Variants in DENND4C observed in about 807,000 individuals in gnomAD.
DENND4C encodes DENN domain containing 4C.
A neutral mutation model predicts 203.0 loss-of-function variants in DENND4C; 108 were observed. That is an observed-to-expected ratio of 0.53 (90% confidence interval 0.46 to 0.62). The LOEUF is 0.62. DENND4C is among the 20% of genes least tolerant of loss of function. The probability of loss-of-function intolerance (pLI) is 0.00; values close to 1 mark genes in which losing one functional copy is unlikely to be tolerated. For missense variants in DENND4C, 2,481 were observed against 2,301.2 expected (o/e 1.08, Z -1.60); for synonymous variants, 871 against 792.4 (o/e 1.10, Z -1.67).
chr9:19,258,990 A>G (rs1317291205), intron 1 of DENND4C, among the ~76,000 whole-genome samples: 1 of 152,118 alleles, frequency 6.6e-6, no homozygotes, highest in Non-Finnish European at 1.5e-5. Flanking sequence ...TAGTAGGTGT[A>G]TATATTTATG....
At chr9:19,355,404 T>C (rs1588978308) in intron 26 of DENND4C, among the ~76,000 whole-genome samples, 1 of 152,246 alleles carries the variant, frequency 6.6e-6, no homozygotes, top group South Asian at 2.1e-4. Context: ...TTGAACGTTT[T>C]TGCTTATATT....
In DENND4C at chr9:19,346,220, A is replaced by G; in HGVS notation, c.3451A>G (p.Asn1151Asp). 1 of 1,614,192 alleles carries G rather than the reference A, an allele frequency of 6.2e-7. No individual in the cohort carries two copies. The highest frequency in any genetic ancestry group is 1.3e-5 in the African/African-American group (1 of 75,052). The change falls in exon 23 of 33, where the codon AAT becomes GAT. Residue 1151 changes from asparagine (N) to aspartate (D), a missense_variant. Coordinates refer to ENST00000434457, the MANE Select transcript of DENND4C (RefSeq NM_001330640.2). ...TATTGCAAGAACCCATAGCTTTGAG[A>G]ATGTTAGCTGTCACCTACCTGATAG... ...LHIARTHSFE[N>D]VSCHLPDSRT...
Position 19,357,968 on chromosome 9 carries a change from T to C in DENND4C, c.4968T>C (p.Asp1656=). Residue 1656 remains aspartate (D), a synonymous_variant, in exon 28 of 33, where the codon GAT becomes GAC. Transcript: ENST00000434457. The part of the protein sequence containing the change: ...EETGSAVEPS[D]EIKRASGDVQ... ...TTCTTCTATATTTATTTTTAAGTGA[T>C]GAAATAAAGAGAGCCAGTGGAGATG... 2 of 1,598,500 alleles carry C rather than the reference T, an allele frequency of 1.3e-6. No homozygotes were observed. The highest frequency in any genetic ancestry group is 1.7e-6 in the Non-Finnish European group (2 of 1,170,172).
intron 21 of DENND4C, 75 bp downstream of exon 21, chr9:19,341,189 G>C: frequency 8.4e-7 from 1 of 1,183,484 alleles, no homozygotes. Context: ...TATCTTAGTT[G>C]ATAGCTTTGA....
rs767826694 is a variant in DENND4C at position 19,356,962 on chromosome 9, C to T, written c.4782-10C>T. 2 of 1,611,602 alleles carry T rather than the reference C, an allele frequency of 1.2e-6. No individual in the cohort carries two copies. Among genetic ancestry groups the T allele is most frequent in the Non-Finnish European group, 1.7e-6 (2 of 1,179,026 alleles). On this transcript the variant is annotated splice_polypyrimidine_tract_variant and intron_variant, in intron 26 of 32. Coordinates refer to ENST00000434457, the MANE Select transcript of DENND4C (RefSeq NM_001330640.2). ...TTAAAGGCTCTTTTTCCCCCCTTTT[C>T]CTTATGTAGCTTTTTCCTGAAACCA...
rs373619857 is a variant in DENND4C at position 19,328,085 on chromosome 9, A to G, written c.2176A>G (p.Lys726Glu). Reference sequence around the variant, plus strand: ...GCTTTTTGACAGACCGCAGGAGTTGAAACTTTGTTTTAGTAGACACCCTAC... The same window carrying G: ...GCTTTTTGACAGACCGCAGGAGTTGGAACTTTGTTTTAGTAGACACCCTAC... ...LKLFDRPQELKLCFSRHPTGN... is the reference protein window; with the variant it reads ...LKLFDRPQELELCFSRHPTGN... Residue 726 changes from lysine to glutamate, a missense_variant, in exon 16 of 33, where the codon AAA becomes GAA. This residue lies in a region of DENND4C where 2,289 missense variants were observed against 2,113.3 expected (regional missense o/e 1.08). Coordinates refer to ENST00000434457, the MANE Select transcript of DENND4C (RefSeq NM_001330640.2). 221 of 1,613,866 alleles carry G rather than the reference A, an allele frequency of 1.4e-4. No individual in the cohort carries two copies. The highest frequency in any genetic ancestry group is 2.3e-4 in the Admixed American group (14 of 59,996).
intron 1 of DENND4C, among the ~76,000 whole-genome samples, chr9:19,275,003 G>T (rs1832579527): frequency 1.3e-5 from 2 of 152,162 alleles, no homozygotes; most frequent in African/African-American, 4.8e-5. Context: ...TTGAGATGGA[G>T]TCTTGCTCTG....
chr9:19,286,113 A>C (rs924157730), intron 2 of DENND4C, among the ~76,000 whole-genome samples: 1 of 152,202 alleles, frequency 6.6e-6, no homozygotes, highest in Non-Finnish European at 1.5e-5. Flanking sequence ...GGCAGCTGGA[A>C]TTTAGATAGG....
At chr9:19,353,444 A>T (rs1824638074) in intron 26 of DENND4C, among the ~76,000 whole-genome samples, 1 of 152,110 alleles carries the variant, frequency 6.6e-6, no homozygotes, top group South Asian at 2.1e-4. Flanking sequence ...CCTGGGCAAC[A>T]CAGTGAAACC....
chr9:19,363,587 T>C (rs941721824), intron 30 of DENND4C, among the ~76,000 whole-genome samples: 2 of 152,130 alleles, frequency 1.3e-5, no homozygotes, highest in African/African-American at 4.8e-5. Flanking sequence ...TATCTCCAAA[T>C]AGAGTCACAT....
chr9:19,332,314 GT>G, intron 17 of DENND4C, 130 bp downstream of exon 17: 1 of 677,680 alleles, frequency 1.5e-6, no homozygotes, highest in Non-Finnish European at 2.5e-6. Context: ...AACTATTACT[GT>G]TTCATGGAGC....
At chr9:19,262,448 C>CTTTTTTTTTT (rs59268086) in intron 1 of DENND4C, among the ~76,000 whole-genome samples, 7 of 134,156 alleles carry the variant, frequency 5.2e-5, no homozygotes, top group African/African-American at 2.0e-4. Context: ...TATATCATAT[C>CTTTTTTTTTT]TTTTTTTTTT....
At chr9:19,315,598 T>C (rs1841680283) in intron 10 of DENND4C, among the ~76,000 whole-genome samples, 1 of 151,306 alleles carries the variant, frequency 6.6e-6, no homozygotes, top group Non-Finnish European at 1.5e-5. Flanking sequence ...TGTATGTGTG[T>C]GTATATATAT....
intron 26 of DENND4C, among the ~76,000 whole-genome samples, 184 bp from the exon 27 acceptor site, chr9:19,356,788 T>TGTGAGAGAGAGAGAGA (rs1266119304): frequency 1.7e-3 from 238 of 140,358 alleles, no homozygotes; most frequent in African/African-American, 6.0e-3. Flanking sequence ...TGTGTGTGTG[T>TGTGAGAGAGAGAGAGA]GAGAGAGAGA....
intron 21 of DENND4C, among the ~76,000 whole-genome samples, chr9:19,341,916 C>T (rs959843323): frequency 6.6e-6 from 1 of 151,968 alleles, no homozygotes; most frequent in African/African-American, 2.4e-5. Context: ...CGTGGTCAGG[C>T]GTTTGAGACC....
intron 1 of DENND4C, among the ~76,000 whole-genome samples, chr9:19,265,426 G>A (rs1588782020): frequency 7.5e-6 from 1 of 132,870 alleles, no homozygotes; most frequent in Admixed American, 8.6e-5. Flanking sequence ...TCTTGTTACT[G>A]ATTTCTTTTT....
chr9:19,310,493 A>C (rs903270564), intron 10 of DENND4C, among the ~76,000 whole-genome samples: 7 of 152,228 alleles, frequency 4.6e-5, no homozygotes, highest in African/African-American at 1.7e-4. Context: ...AGCACATTTG[A>C]GTAGTTATGA....
intron 1 of DENND4C, among the ~76,000 whole-genome samples, chr9:19,241,111 G>A (rs1823588101): frequency 6.6e-6 from 1 of 152,148 alleles, no homozygotes; most frequent in African/African-American, 2.4e-5. Flanking sequence ...ACTGAATGAG[G>A]GGTGGTGAAT....
rs529264573 is a variant in DENND4C at position 19,317,452 on chromosome 9, A to C, written c.1807+613A>C. The stretch of plus-strand genomic sequence containing the variant: ...ATTTTTAGTATGTTTTGTTTTAGGG[A>C]ATTATAGAGATTTTTGTTGTTATTC... On this transcript the variant is annotated intron_variant, in intron 12 of 32. Coordinates refer to ENST00000434457, the MANE Select transcript of DENND4C (RefSeq NM_001330640.2). Among the ~76,000 whole-genome samples the C allele has an allele frequency of 2.8e-3, 419 of 152,244 alleles. 1 individual carries two copies. The highest frequency in any genetic ancestry group is 3.3e-3 in the Admixed American group (51 of 15,290).
Sources: gnomAD v4.1 joint callset for allele counts (sites outside exome capture counted in the v4.1 genomes callset) on GRCh38, gnomAD v4.1.1 for gene constraint, gnomAD v4.1.1 regional missense constraint, MANE v1.5 for transcripts, NCBI Gene and HGNC (gene_info 2026-07-23, HGNC 2026-07-21) for gene names.